ADGRG4: variants seen among roughly 807,000 people sequenced by gnomAD.
The protein encoded by ADGRG4 is G protein-coupled receptor 112.
Under a neutral mutation model 126.2 loss-of-function variants are expected in ADGRG4, and 122 were observed. The ratio of observed to expected loss-of-function variants is 0.97; its 90% CI spans 0.83 to 1.12. ADGRG4 has a LOEUF of 1.12. Ranked by LOEUF, ADGRG4 falls within the 50% of genes most tolerant of loss-of-function variation. The pLI, the probability that ADGRG4 is intolerant of heterozygous loss-of-function variation, is 0.00. For missense variants in ADGRG4, 2,481 were observed against 2,251.8 expected (o/e 1.10, Z -2.06); for synonymous variants, 943 against 838.7 (o/e 1.12, Z -2.15).
intron 5 of ADGRG4, among the ~76,000 whole-genome samples, chrX:136,342,533 T>C (rs994367885): frequency 2.7e-5 from 3 of 111,158 alleles, no homozygotes; most frequent in Non-Finnish European, 3.8e-5. Flanking sequence ...GAGTCTAAAA[T>C]AGATTGGTGT....
At position 136,347,458 on chromosome X, in the gene ADGRG4, C is replaced by T. The variant is rs1334694958; in HGVS notation, c.3752C>T (p.Thr1251Ile). The T allele has an allele frequency of 8.3e-7, 1 of 1,208,130 alleles. No homozygotes were observed. Among genetic ancestry groups the T allele is most frequent in the South Asian group, 1.8e-5 (1 of 56,884 alleles). The change falls in exon 6 of 26, where the codon ACC becomes ATC. Residue 1251 changes from threonine to isoleucine, a missense_variant. Coordinates refer to ENST00000394143, the MANE Select transcript of ADGRG4 (RefSeq NM_153834.4). The part of the protein sequence containing the change: ...TPVSIQLVTS[T>I]SVLSSDKDQM... ...GTGTCCATCCAGTTGGTGACTAGCACCTCTGTCTTATCTTCCGACAAAGAC... is the reference window on the plus strand; with the variant it reads ...GTGTCCATCCAGTTGGTGACTAGCATCTCTGTCTTATCTTCCGACAAAGAC...
In ADGRG4 at chrX:136,324,719, T is replaced by A. The variant is rs562102983; in HGVS notation, c.685+1327T>A. ...AGAGTTTTTCAATCTGGCTCTTGTG[T>A]CCTTTTGACAAGTTCCCCATCATTC... On this transcript the variant is annotated intron_variant, in intron 5 of 25. Coordinates refer to ENST00000394143, the MANE Select transcript of ADGRG4 (RefSeq NM_153834.4). 2.7e-5 allele frequency among the ~76,000 whole-genome samples: 3 copies of A among 112,311 alleles called. No homozygotes were observed. In the East Asian group the frequency reaches 8.4e-4, roughly 31 times the overall value.
At chrX:136,338,117 A>C (rs181843183) in intron 5 of ADGRG4, among the ~76,000 whole-genome samples, 2 of 107,480 alleles carry the variant, frequency 1.9e-5, no homozygotes, top group African/African-American at 6.8e-5. Context: ...TCGTCTTAAA[A>C]ATTTGGTTTT....
At chrX:136,371,205 T>C (rs988210281) in intron 13 of ADGRG4, 123 bp from the exon 14 acceptor site, 1 of 407,553 alleles carries the variant, frequency 2.5e-6, no homozygotes, top group Non-Finnish European at 4.2e-6. Context: ...TTTCCTTCTG[T>C]AAACACATTA....
rs756337279 is a variant in ADGRG4, at chrX:136,344,709, A to C, written c.1003A>C (p.Asn335His). The C allele has an allele frequency of 4.2e-6, 5 of 1,203,730 alleles. No homozygotes were observed. The Admixed American group carries it at 8.8e-5, about 21-fold the overall frequency. Residue 335 changes from asparagine to histidine, a missense_variant, in exon 6 of 26, where the codon AAT becomes CAT. By Grantham distance (68) the Asn-to-His change is moderately conservative. Transcript: ENST00000394143. ...SLPTQSISID[N>H]TTNSMKKTKS... Reference sequence around the variant, plus strand: ...GCCTACCCAGAGTATATCCATAGACAATACTACCAATTCCATGAAAAAAAC... The same window carrying C: ...GCCTACCCAGAGTATATCCATAGACCATACTACCAATTCCATGAAAAAAAC...
chrX:136,363,417 T>C, intron 12 of ADGRG4, 60 bp from the exon 13 acceptor site: 2 of 782,793 alleles, frequency 2.6e-6, no homozygotes, highest in Middle Eastern at 5.6e-4. Flanking sequence ...ATCCACCATT[T>C]GCTTTAAGAC....
At chrX:136,363,624 A>T (rs1203438072) in intron 13 of ADGRG4, 29 bp downstream of exon 13, 1 of 937,759 alleles carries the variant, frequency 1.1e-6, no homozygotes, top group Non-Finnish European at 1.5e-6. Flanking sequence ...TATAAGACAA[A>T]TTATGGAACT....
rs928583232 is a variant in ADGRG4 at position 136,348,646 on chromosome X, C to T, written c.4940C>T (p.Ser1647Phe). Residue 1647 changes from serine (S) to phenylalanine (F), a missense_variant, in exon 6 of 26, where the codon TCT becomes TTT. Transcript: ENST00000394143. ...PSRITPTTFL[S>F]PTEPTLPFVK... ...AGGATCACACCTACGACCTTTCTCT[C>T]TCCAACAGAGCCAACTTTGCCCTTT... 4.1e-6 allele frequency: 5 copies of T among 1,210,313 alleles called. No homozygotes were observed. The highest frequency in any genetic ancestry group is 5.6e-6 in the Non-Finnish European group (5 of 894,666).
chrX:136,363,684 C>A, intron 13 of ADGRG4, 89 bp downstream of exon 13: 1 of 592,779 alleles, frequency 1.7e-6, no homozygotes, highest in Non-Finnish European at 2.9e-6. Flanking sequence ...ATAGGCAAAC[C>A]CCACTTAGGA....
intron 20 of ADGRG4, among the ~76,000 whole-genome samples, 174 bp from the exon 21 acceptor site, chrX:136,399,674 A>T (rs1167975329): frequency 9.0e-6 from 1 of 110,648 alleles, no homozygotes; most frequent in African/African-American, 3.3e-5. Flanking sequence ...AGTTAAGGTC[A>T]CTATATTTAT....
chrX:136,387,772 T>C lies in ADGRG4; in HGVS notation c.7809T>C (p.Ile2603=). 8.3e-7 allele frequency: 1 copy of C among 1,209,065 alleles called. No individual in the cohort carries two copies. The highest frequency in any genetic ancestry group is 1.1e-6 in the Non-Finnish European group (1 of 893,688). Residue 2603 remains isoleucine, a synonymous_variant, in exon 16 of 26, where the codon ATT becomes ATC. Coordinates refer to ENST00000394143, the MANE Select transcript of ADGRG4 (RefSeq NM_153834.4). The part of the protein sequence containing the change: ...IFLGNVPVGG[I]LASIYLPKSL... ...TAGGCAATGTCCCTGTGGGAGGGAT[T>C]TTGGCTTCCATATATTTGCCTAAAT...
Position 136,371,402 on chromosome X carries a change from A to G in ADGRG4, c.7471A>G (p.Lys2491Glu). 1.7e-6 allele frequency: 2 copies of G among 1,197,016 alleles called. No individual in the cohort carries two copies. Among genetic ancestry groups the G allele is most frequent in the East Asian group, 5.9e-5 (2 of 33,701 alleles). Residue 2491 changes from lysine to glutamate, a missense_variant, in exon 14 of 26, where the codon AAG (lysine) becomes GAG (glutamate). Lys to Glu is a moderately conservative substitution (Grantham distance 56). Coordinates refer to ENST00000394143, the MANE Select transcript of ADGRG4 (RefSeq NM_153834.4). Reference sequence around the variant, plus strand: ...CCCAGCCCTGGGTAAAGAAGAGACAAAGATTATTGTTTCTAAAATATCAGA... The same window carrying G: ...CCCAGCCCTGGGTAAAGAAGAGACAGAGATTATTGTTTCTAAAATATCAGA... ...ESPALGKEET[K>E]IIVSKISDIS...
chrX:136,322,415 T>C (rs1033167297), intron 4 of ADGRG4, among the ~76,000 whole-genome samples: 1 of 111,732 alleles, frequency 8.9e-6, no homozygotes, highest in African/African-American at 3.3e-5. Flanking sequence ...GGATTATGTG[T>C]AGCAAATTTG....
intron 11 of ADGRG4, 38 bp downstream of exon 11, chrX:136,359,493 T>C: frequency 9.8e-7 from 1 of 1,022,850 alleles, no homozygotes. Context: ...AGTATGAACT[T>C]ACTTCCTTTA....
rs754400525 is a variant in ADGRG4 at position 136,387,802 on chromosome X, G to A, written c.7839G>A (p.Leu2613=). 8.3e-7 allele frequency: 1 copy of A among 1,203,419 alleles called. No individual in the cohort carries two copies. The highest frequency in any genetic ancestry group is 1.8e-5 in the African/African-American group (1 of 56,989). Residue 2613 remains leucine (L), a synonymous_variant, in exon 16 of 26, where the codon CTG becomes CTA. Coordinates refer to ENST00000394143, the MANE Select transcript of ADGRG4 (RefSeq NM_153834.4). The part of the protein sequence containing the change: ...ILASIYLPKS[L]TERIPLSNLQ... ...CTTCCATATATTTGCCTAAATCACT[G>A]ACGGAGAGAATTCCTCTTAGCAACT...
chrX:136,407,335 T>C (rs1319781383), intron 23 of ADGRG4, among the ~76,000 whole-genome samples: 1 of 21,949 alleles, frequency 4.6e-5, no homozygotes, highest in Admixed American at 7.7e-4. Flanking sequence ...AAAGCTCTAT[T>C]ATGAAAAAAA....
At chrX:136,370,390 G>A (rs746391490) in intron 13 of ADGRG4, among the ~76,000 whole-genome samples, 2 of 112,212 alleles carry the variant, frequency 1.8e-5, no homozygotes, top group South Asian at 7.4e-4. Flanking sequence ...AATTTGTGCT[G>A]TATTCGTTTA....
chrX:136,336,505 C>T (rs957722575), intron 5 of ADGRG4, among the ~76,000 whole-genome samples: 1 of 111,445 alleles, frequency 9.0e-6, no homozygotes, highest in African/African-American at 3.3e-5. Context: ...AGTTTTGCTT[C>T]ATGTATTTTG....
chrX:136,358,391 G>A (rs190004093), intron 10 of ADGRG4, among the ~76,000 whole-genome samples: 93 of 111,869 alleles, frequency 8.3e-4, no homozygotes, highest in South Asian at 6.4e-3. Flanking sequence ...ATTAGACATG[G>A]AGATAAGTTT....
Sources: gnomAD v4.1 joint callset for allele counts (sites outside exome capture counted in the v4.1 genomes callset) on GRCh38, gnomAD v4.1.1 for gene constraint, MANE v1.5 for transcripts, NCBI Gene and HGNC (gene_info 2026-07-23, HGNC 2026-07-21) for gene names.